Variants in UTRN observed in about 807,000 individuals in gnomAD.
The protein encoded by UTRN is utrophin.
A neutral mutation model predicts 463.9 loss-of-function variants in UTRN; 283 were observed. That is an observed-to-expected ratio of 0.61 (90% CI 0.55 to 0.67). The LOEUF is 0.67. UTRN is among the 30% of genes least tolerant of loss of function. UTRN has a pLI of 0.00. For missense variants in UTRN, 3,922 were observed against 4,084.3 expected (o/e 0.96, Z 1.08); for synonymous variants, 1,442 against 1,431.5 (o/e 1.01, Z -0.17).
chr6:144,394,618 A>C (rs9496951), intron 2 of UTRN, among the ~76,000 whole-genome samples: 9,458 of 152,236 alleles, frequency 0.062, 1,004 homozygotes, highest in African/African-American at 0.22. Flanking sequence ...CATGGCATAC[A>C]GTGAAAGGTT....
At chr6:144,802,902 G>A (rs1777827610) in intron 64 of UTRN, 134 bp from the exon 65 acceptor site, 1 of 468,522 alleles carries the variant, frequency 2.1e-6, no homozygotes, top group African/African-American at 2.0e-5. Flanking sequence ...ACAGATAGAA[G>A]CATGTTTCAG....
chr6:144,715,263 G>T (rs2128705749), intron 53 of UTRN, among the ~76,000 whole-genome samples: 1 of 152,032 alleles, frequency 6.6e-6, no homozygotes, highest in East Asian at 1.9e-4. Context: ...CTTTAGTCCT[G>T]CCTTTCTCTC....
chr6:144,666,320 C>T (rs1780391379), intron 51 of UTRN, among the ~76,000 whole-genome samples: 1 of 152,070 alleles, frequency 6.6e-6, no homozygotes, highest in Admixed American at 6.5e-5. Context: ...GTGCAGGCTT[C>T]TAAATTATTT....
At chr6:144,712,912 T>G (rs949821153) in intron 53 of UTRN, among the ~76,000 whole-genome samples, 5 of 152,218 alleles carry the variant, frequency 3.3e-5, no homozygotes, top group Non-Finnish European at 7.3e-5. Context: ...ATGGCATGTT[T>G]TGGAGTATGC....
intron 54 of UTRN, among the ~76,000 whole-genome samples, chr6:144,740,095 T>C (rs1377225253): frequency 6.6e-6 from 1 of 152,162 alleles, no homozygotes; most frequent in East Asian, 1.9e-4. Flanking sequence ...ATGAGGAAAC[T>C]GAGAGTCTGA....
chr6:144,510,882 G>T, intron 34 of UTRN, 62 bp from the exon 35 acceptor site: 1 of 1,352,600 alleles, frequency 7.4e-7, no homozygotes, highest in Non-Finnish European at 9.7e-7. Flanking sequence ...ATAATTTAAG[G>T]TTGTATATAC....
At chr6:144,308,489 C>T (rs1029024851) in intron 2 of UTRN, among the ~76,000 whole-genome samples, 3 of 151,994 alleles carry the variant, frequency 2.0e-5, no homozygotes, top group African/African-American at 7.3e-5. Context: ...TAAGAGGTTT[C>T]ACCATGTTGC....
intron 51 of UTRN, among the ~76,000 whole-genome samples, chr6:144,604,664 A>C (rs1401610504): frequency 6.6e-6 from 1 of 152,138 alleles, no homozygotes; most frequent in African/African-American, 2.4e-5. Flanking sequence ...TTGTAATCCC[A>C]GCACTTTGGG....
chr6:144,636,196 A>T (rs1333098258), intron 51 of UTRN, among the ~76,000 whole-genome samples: 1 of 152,194 alleles, frequency 6.6e-6, no homozygotes, highest in Non-Finnish European at 1.5e-5. Context: ...CATATACACC[A>T]TGGAGTACTA....
In UTRN at chr6:144,828,821, T is replaced by C. The variant is rs201527578; in HGVS notation, c.9631T>C (p.Phe3211Leu). 6 of 1,613,476 alleles carry C rather than the reference T, an allele frequency of 3.7e-6. No individual in the cohort carries two copies. Among genetic ancestry groups the C allele is most frequent in the Middle Eastern group, 1.7e-4 (1 of 6,056 alleles). ...CCAGATGGAAAGGACTAATGGGTCT[T>C]TTCTCACTGATAGCAGCTCCACCAC... The part of the protein sequence containing the change: ...LAQMERTNGS[F>L]LTDSSSTTGS... The change falls in exon 69 of 75, where the codon TTT (phenylalanine) becomes CTT (leucine). Residue 3211 changes from phenylalanine (F) to leucine (L), a missense_variant. This residue lies in a region of UTRN where 1,309 missense variants were observed against 1,452.6 expected (regional missense o/e 0.90). Transcript: ENST00000367545.
chr6:144,610,244 T>C (rs1174959944), intron 51 of UTRN, among the ~76,000 whole-genome samples: 1 of 139,676 alleles, frequency 7.2e-6, no homozygotes, highest in African/African-American at 2.6e-5. Flanking sequence ...AAAAAGGAGA[T>C]ATTACAATTG....
chr6:144,291,245 C>A lies in UTRN; in HGVS notation c.-92-492C>A, dbSNP rs181089826. On this transcript the variant is annotated intron_variant, in intron 1 of 74. Coordinates refer to ENST00000367545, the MANE Select transcript of UTRN (RefSeq NM_007124.3). The stretch of plus-strand genomic sequence containing the variant: ...CCTGGTTCAACAGGTACACTTGTCT[C>A]TTGGCTGTCTTCTTTCCAGAAACAC... Among the ~76,000 whole-genome samples, 584 of 152,364 alleles carry A rather than the reference C, an allele frequency of 3.8e-3. 4 individuals carry two copies. The highest frequency in any genetic ancestry group is 0.013 in the African/African-American group (541 of 41,584).
intron 60 of UTRN, among the ~76,000 whole-genome samples, chr6:144,780,398 TTAGAGTTCTTCTAGTCTA>T (rs1167151125): frequency 3.3e-5 from 5 of 152,086 alleles, no homozygotes; most frequent in Non-Finnish European, 7.4e-5. Flanking sequence ...AAAAATAAGA[TTAGAGTTCTTCTAGTCTA>T]ATTTTTTTAT....
In UTRN at chr6:144,445,931, A is replaced by G. The variant is rs995694753; in HGVS notation, c.1615-1280A>G. 7.2e-5 allele frequency among the ~76,000 whole-genome samples: 11 copies of G among 152,174 alleles called. No individual in the cohort carries two copies. The East Asian group carries it at 1.9e-3, about 27-fold the overall frequency. On this transcript the variant is annotated intron_variant, in intron 14 of 74. Transcript: ENST00000367545. ...ATCCCAGCCACTCAGGAGGCTATGG[A>G]GGCAGGAGAATTGCTTGAACCCAGG... is the stretch of plus-strand genomic sequence containing the variant.
At chr6:144,751,995 G>A in intron 56 of UTRN, 43 bp downstream of exon 56, 1 of 1,543,942 alleles carries the variant, frequency 6.5e-7, no homozygotes, top group Non-Finnish European at 8.7e-7. Context: ...TACACCTTGG[G>A]TGGTCTTTAA....
chr6:144,590,498 C>T (rs1802924188), intron 51 of UTRN, among the ~76,000 whole-genome samples: 1 of 152,114 alleles, frequency 6.6e-6, no homozygotes, highest in South Asian at 2.1e-4. Context: ...AAGGAGTCAA[C>T]TAACTTAACA....
chr6:144,778,173 T>C (rs967038737), intron 60 of UTRN, among the ~76,000 whole-genome samples: 1 of 152,082 alleles, frequency 6.6e-6, no homozygotes, highest in Non-Finnish European at 1.5e-5. Flanking sequence ...AGGTGAAGGA[T>C]GATCAAAGCT....
At position 144,849,029 on chromosome 6, in the gene UTRN, TGAGAGG is replaced by T. The variant is rs1372318585; in HGVS notation, c.10294-1958_10294-1953del. On this transcript the variant is annotated intron_variant, in intron 74 of 74. Transcript: ENST00000367545. The stretch of plus-strand genomic sequence containing the variant: ...GAGAATGGGGAGGGGAAGTGCTGTG[TGAGAGG>T]GTTATGAGGGAAGCTGTGTCTTCAG... Among the ~76,000 whole-genome samples, 14 of 151,908 alleles carry T rather than the reference TGAGAGG, an allele frequency of 9.2e-5. No homozygotes were observed. The East Asian group carries it at 1.9e-3, about 21-fold the overall frequency.
chr6:144,634,613 A>AT (rs1776903003), intron 51 of UTRN, among the ~76,000 whole-genome samples: 1 of 152,168 alleles, frequency 6.6e-6, no homozygotes, highest in Admixed American at 6.5e-5. Context: ...GAAATTGTGC[A>AT]TTTCAGTGGT....
Sources: gnomAD v4.1 joint callset for allele counts (sites outside exome capture counted in the v4.1 genomes callset) on GRCh38, gnomAD v4.1.1 for gene constraint, gnomAD v4.1.1 regional missense constraint, MANE v1.5 for transcripts, NCBI Gene and HGNC (gene_info 2026-07-23, HGNC 2026-07-21) for gene names.